Variants in IRF2 observed in about 807,000 individuals in gnomAD.
IRF2 encodes interferon regulatory factor 2.
In IRF2, 15 loss-of-function variants were observed where a neutral mutation model predicts 40.6. The observed-to-expected ratio is 0.37, with a 90% CI of 0.25 to 0.57. The LOEUF (loss-of-function observed/expected upper bound fraction) is 0.57. Ranked by LOEUF, IRF2 falls within the 20% of genes least tolerant of loss-of-function variation. The pLI, the probability that IRF2 is intolerant of heterozygous loss-of-function variation, is 0.77. For synonymous variants in IRF2, 151 were observed against 165.5 expected, an observed-to-expected ratio of 0.91 and a Z score of 0.67; for missense variants, 317 against 455.7, an observed-to-expected ratio of 0.70 and a Z score of 2.77.
intron 1 of IRF2, among the ~76,000 whole-genome samples, chr4:184,468,317 T>A (rs1739401106): frequency 6.6e-6 from 1 of 151,986 alleles, no homozygotes; most frequent in African/African-American, 2.4e-5. Flanking sequence ...CGAAACCTCA[T>A]CTCTACTAAA....
chr4:184,438,569 C>A (rs544131720), intron 1 of IRF2, among the ~76,000 whole-genome samples: 1 of 152,000 alleles, frequency 6.6e-6, no homozygotes, highest in African/African-American at 2.4e-5. Context: ...CAGGTGTGTG[C>A]GAGCATGTGG....
chr4:184,447,868 C>A (rs1738570718), intron 1 of IRF2, among the ~76,000 whole-genome samples: 1 of 152,168 alleles, frequency 6.6e-6, no homozygotes, highest in Non-Finnish European at 1.5e-5. Context: ...AACACCTAGC[C>A]CTGCATCAGA....
At position 184,399,094 on chromosome 4, in the gene IRF2, CA is replaced by C; in HGVS notation, c.530-16del. The C allele has an allele frequency of 6.4e-7, 1 of 1,572,422 alleles. No individual in the cohort carries two copies. On this transcript the variant is annotated splice_polypyrimidine_tract_variant and intron_variant, in intron 6 of 8. Transcript: ENST00000393593. Reference sequence around the variant, plus strand: ...CTGTCCTACAACTTCAAAGAAAAGACAGCCATCATGCAAAGTCTGCTGACCT... The same window carrying C: ...CTGTCCTACAACTTCAAAGAAAAGACGCCATCATGCAAAGTCTGCTGACCT...
chr4:184,454,510 C>T (rs1400836880), intron 1 of IRF2, among the ~76,000 whole-genome samples: 2 of 152,226 alleles, frequency 1.3e-5, no homozygotes, highest in Admixed American at 1.3e-4. Context: ...GTCTCCTCTG[C>T]AAGCTGCAGA....
At chr4:184,410,908 C>T (rs1248666156) in intron 5 of IRF2, among the ~76,000 whole-genome samples, 1 of 152,144 alleles carries the variant, frequency 6.6e-6, no homozygotes, top group African/African-American at 2.4e-5. Flanking sequence ...CTACTTTTAG[C>T]CTGCAGAGAC....
At chr4:184,450,333 CA>C (rs2149912707) in intron 1 of IRF2, among the ~76,000 whole-genome samples, 1 of 152,288 alleles carries the variant, frequency 6.6e-6, no homozygotes, top group African/African-American at 2.4e-5. Flanking sequence ...CAGTAGATTT[CA>C]AGTTATTTCA....
At chr4:184,417,447 T>C (rs2149899636) in intron 5 of IRF2, among the ~76,000 whole-genome samples, 1 of 152,334 alleles carries the variant, frequency 6.6e-6, no homozygotes, top group African/African-American at 2.4e-5. Flanking sequence ...GTGACCGCAG[T>C]GTATGCTCTC....
At chr4:184,466,312 A>G (rs919621066) in intron 1 of IRF2, among the ~76,000 whole-genome samples, 13 of 152,002 alleles carry the variant, frequency 8.6e-5, no homozygotes, top group African/African-American at 2.7e-4. Flanking sequence ...CGGCCTCCCA[A>G]AGTGCTGGGA....
rs189866485 is a variant in IRF2, at chr4:184,420,299, A to G, written c.88-731T>C. On this transcript the variant is annotated intron_variant, in intron 2 of 8. Transcript: ENST00000393593. The stretch of plus-strand genomic sequence containing the variant: ...CTATCTTAGGTAAATTAAAAATTAG[A>G]CAAGTTTCCAAAACCCTTGATGCTA... 3.9e-3 allele frequency among the ~76,000 whole-genome samples: 590 copies of G among 152,336 alleles called. 9 individuals carry two copies. The highest frequency in any genetic ancestry group is 0.013 in the African/African-American group (545 of 41,570).
chr4:184,445,749 C>T (rs1738483949), intron 1 of IRF2, among the ~76,000 whole-genome samples: 1 of 152,086 alleles, frequency 6.6e-6, no homozygotes, highest in Admixed American at 6.6e-5. Flanking sequence ...CCTTCCTCCA[C>T]CCTTCCTTTA....
At chr4:184,452,613 G>C (rs910365303) in intron 1 of IRF2, among the ~76,000 whole-genome samples, 1 of 151,770 alleles carries the variant, frequency 6.6e-6, no homozygotes, top group African/African-American at 2.4e-5. Flanking sequence ...AAATGAAGAA[G>C]CATGTAAAAT....
chr4:184,445,734 C>T (rs793789), intron 1 of IRF2, among the ~76,000 whole-genome samples: 1 of 151,622 alleles, frequency 6.6e-6, no homozygotes, highest in Non-Finnish European at 1.5e-5. Flanking sequence ...TTTCCTTCTT[C>T]CCTTCCTTCC....
intron 1 of IRF2, among the ~76,000 whole-genome samples, chr4:184,435,569 G>T (rs746985670): frequency 3.9e-5 from 6 of 152,116 alleles, no homozygotes; most frequent in Admixed American, 1.3e-4. Flanking sequence ...TAAAAATTAG[G>T]GGGGCAAGAT....
In IRF2 at chr4:184,409,796, C is replaced by A. The variant is rs988791169; in HGVS notation, c.412-1521G>T. On this transcript the variant is annotated intron_variant, in intron 5 of 8. Transcript: ENST00000393593. ...CTTGTCCTGGATACTTGGGAGGCTG[C>A]GGTGTTGGGAGGCTCTCCTGAGCCC... Among the ~76,000 whole-genome samples the A allele has an allele frequency of 1.3e-5, 2 of 151,498 alleles. 1 individual carries two copies. Among genetic ancestry groups the A allele is most frequent in the South Asian group, 4.2e-4 (2 of 4,798 alleles).
chr4:184,414,280 T>C (rs1737183595), intron 5 of IRF2, among the ~76,000 whole-genome samples: 1 of 152,252 alleles, frequency 6.6e-6, no homozygotes, highest in Non-Finnish European at 1.5e-5. Context: ...CGTTCCATGA[T>C]ATTTTCTGAA....
chr4:184,410,031 T>C (rs1737015850), intron 5 of IRF2, among the ~76,000 whole-genome samples: 1 of 152,152 alleles, frequency 6.6e-6, no homozygotes, highest in African/African-American at 2.4e-5. Context: ...ACCCGCTGTC[T>C]GCCTTTCCGG....
intron 1 of IRF2, among the ~76,000 whole-genome samples, chr4:184,460,635 A>G (rs1739099924): frequency 6.8e-6 from 1 of 146,678 alleles, no homozygotes; most frequent in Non-Finnish European, 1.5e-5. Context: ...ACACACACGC[A>G]TGCACGCACA....
chr4:184,402,520 C>G (rs1474130552), intron 6 of IRF2, among the ~76,000 whole-genome samples: 1 of 152,122 alleles, frequency 6.6e-6, no homozygotes, highest in Non-Finnish European at 1.5e-5. Flanking sequence ...TCTCCTCAAC[C>G]AAAGTATGAA....
chr4:184,398,181 CG>C (rs1736534671), intron 7 of IRF2, among the ~76,000 whole-genome samples: 1 of 152,202 alleles, frequency 6.6e-6, no homozygotes, highest in African/African-American at 2.4e-5. Flanking sequence ...TACGACCCTG[CG>C]CAAGCCCCTT....
Sources: gnomAD v4.1 joint callset for allele counts (sites outside exome capture counted in the v4.1 genomes callset) on GRCh38, gnomAD v4.1.1 for gene constraint, MANE v1.5 for transcripts, NCBI Gene and HGNC (gene_info 2026-07-23, HGNC 2026-07-21) for gene names.